GNPNAT1: variants seen among roughly 807,000 people sequenced by gnomAD.
GNPNAT1 encodes the protein glucosamine-phosphate N-acetyltransferase 1.
A neutral mutation model predicts 19.8 loss-of-function variants in GNPNAT1; 11 were observed. The ratio of observed to expected loss-of-function variants is 0.56; its 90% CI spans 0.35 to 0.92. The LOEUF (loss-of-function observed/expected upper bound fraction) is 0.92, where lower values mean the gene tolerates loss of function less well. Ranked by LOEUF, GNPNAT1 falls within the 40% of genes least tolerant of loss-of-function variation. The pLI is 0.01. For synonymous variants in GNPNAT1, 71 were observed against 72.3 expected (o/e 0.98, Z 0.09); for missense variants, 157 against 211.0 (o/e 0.74, Z 1.59).
At chr14:52,789,919 T>C (rs774182383) in intron 1 of GNPNAT1, among the ~76,000 whole-genome samples, 1 of 137,284 alleles carries the variant, frequency 7.3e-6, no homozygotes, top group Non-Finnish European at 1.5e-5. Flanking sequence ...CCTAGCCCAA[T>C]AATGCCTAGT....
intron 3 of GNPNAT1, among the ~76,000 whole-genome samples, chr14:52,782,661 A>G (rs1882920247): frequency 6.8e-6 from 1 of 148,062 alleles, no homozygotes; most frequent in Admixed American, 6.8e-5. Flanking sequence ...CTCATTCCAG[A>G]TAGAGATCTA....
intron 5 of GNPNAT1, among the ~76,000 whole-genome samples, chr14:52,780,061 T>C (rs1017864363): frequency 6.6e-6 from 1 of 151,816 alleles, no homozygotes; most frequent in Non-Finnish European, 1.5e-5. Flanking sequence ...CCCAGCTAAT[T>C]GGGGGGCTGA....
rs957159366 is a variant in GNPNAT1, at chr14:52,775,863, A to C, written c.*2448T>G. On this transcript the variant is annotated 3_prime_UTR_variant, in exon 6 of 6. Coordinates refer to ENST00000216410, the MANE Select transcript of GNPNAT1 (RefSeq NM_198066.4). ...ACACCACTGGACTCCAGCCTGGGTGATGGAGTGGGACAGTGTCTCTTTAAA... is the reference window on the plus strand; with the variant it reads ...ACACCACTGGACTCCAGCCTGGGTGCTGGAGTGGGACAGTGTCTCTTTAAA... 1.3e-5 allele frequency: 2 copies of C among 152,208 alleles called. No homozygotes were observed. Among genetic ancestry groups the C allele is most frequent in the African/African-American group, 4.8e-5 (2 of 41,394 alleles). 9.4% of individuals were successfully genotyped at this position (152,208 alleles called of 1,614,324 possible).
Position 52,779,417 on chromosome 14 carries a change from T to TC in GNPNAT1, c.408-960_408-959insG, listed in dbSNP as rs1882824416. Among the ~76,000 whole-genome samples, 11 of 152,096 alleles carry TC rather than the reference T, an allele frequency of 7.2e-5. No homozygotes were observed. In the South Asian group the frequency reaches 2.3e-3, roughly 32 times the overall value. On this transcript the variant is annotated intron_variant, in intron 5 of 5. Coordinates refer to ENST00000216410, the MANE Select transcript of GNPNAT1 (RefSeq NM_198066.4). ...TTGAACAGACTAAAAAATCCTATTT[T>TC]TAAAAAAAACAAAAGACCTTGACTG...
Position 52,784,662 on chromosome 14 carries a change from G to A in GNPNAT1, c.-12C>T, listed in dbSNP as rs1451794037. On this transcript the variant is annotated splice_region_variant and 5_prime_UTR_variant, in exon 2 of 6. Coordinates refer to ENST00000216410, the MANE Select transcript of GNPNAT1 (RefSeq NM_198066.4). ...TCATCAGGTTTCATTTTTCTAGTAA[G>A]GTCTAAAATAAAAATTTGAATATTA... is the stretch of plus-strand genomic sequence containing the variant. 4 of 1,423,466 alleles carry A rather than the reference G, an allele frequency of 2.8e-6. No homozygotes were observed. In the Admixed American group the frequency reaches 7.2e-5, roughly 26 times the overall value. 88.2% of individuals were successfully genotyped at this position (1,423,466 alleles called of 1,614,324 possible).
At chr14:52,784,724 T>G (rs1882972330) in intron 1 of GNPNAT1, 60 bp from the exon 2 acceptor site, 1 of 706,562 alleles carries the variant, frequency 1.4e-6, no homozygotes, top group South Asian at 2.6e-5. Flanking sequence ...TTATGATTGT[T>G]GAGAAAGTTA....
chr14:52,783,298 G>T, intron 3 of GNPNAT1, 125 bp downstream of exon 3: 1 of 621,006 alleles, frequency 1.6e-6, no homozygotes, highest in Non-Finnish European at 2.8e-6. Context: ...GTATAAAACA[G>T]CTAATTTGTT....
chr14:52,789,954 C>T (rs1460547625), intron 1 of GNPNAT1, among the ~76,000 whole-genome samples: 1 of 140,292 alleles, frequency 7.1e-6, no homozygotes, highest in East Asian at 2.0e-4. Context: ...TAAGACTTAC[C>T]TGTAGGTCAC....
chr14:52,784,992 C>A (rs905322236), intron 1 of GNPNAT1, among the ~76,000 whole-genome samples: 2 of 146,542 alleles, frequency 1.4e-5, no homozygotes, highest in South Asian at 2.2e-4. Flanking sequence ...GAGGCGTGAT[C>A]CCGGCTCACT....
At position 52,791,480 on chromosome 14, in the gene GNPNAT1, C is replaced by T. The variant is rs1008718771; in HGVS notation, c.-67G>A. 6.6e-6 allele frequency: 1 copy of T among 152,470 alleles called. No homozygotes were observed. Among genetic ancestry groups the T allele is most frequent in the South Asian group, 2.1e-4 (1 of 4,838 alleles). The allele number at this position is 152,470 out of a possible 1,614,324, so 9.4% of individuals were successfully genotyped here. ...TAGCCAGGCGCGTCGGACTCTCCCC[C>T]ACCAGTGTGCACAGCACCGGATCCG... is the stretch of plus-strand genomic sequence containing the variant. On this transcript the variant is annotated 5_prime_UTR_variant, in exon 1 of 6. Transcript: ENST00000216410. The surrounding 1 kb of genome is among the most constrained non-coding windows in gnomAD (Gnocchi z 4.1).
rs1882759829 is a variant in GNPNAT1, at chr14:52,777,365, T to G, written c.*946A>C. ...ATTAAATAAAATCAAAATAGGATAA[T>G]GACCAGAATAGTGCCATTATAATCA... On this transcript the variant is annotated 3_prime_UTR_variant, in exon 6 of 6. Transcript: ENST00000216410. 1 of 152,406 alleles carries G rather than the reference T, an allele frequency of 6.6e-6. No individual in the cohort carries two copies. Among genetic ancestry groups the G allele is most frequent in the Non-Finnish European group, 1.5e-5 (1 of 68,036 alleles). The allele number at this position is 152,406 out of a possible 1,614,324, so 9.4% of individuals were successfully genotyped here.
chr14:52,778,485 AG>A, intron 5 of GNPNAT1, 27 bp from the exon 6 acceptor site: 2 of 1,567,278 alleles, frequency 1.3e-6, no homozygotes, highest in Non-Finnish European at 1.7e-6. Context: ...GGGTAGGGTG[AG>A]GAGATAGCAT....
rs775654192 is a variant in GNPNAT1 at position 52,780,669 on chromosome 14, G to A, written c.407+10C>T. The A allele has an allele frequency of 2.5e-6, 4 of 1,571,422 alleles. No homozygotes were observed. In the African/African-American group the frequency reaches 5.4e-5, roughly 21 times the overall value. On this transcript the variant is annotated intron_variant, in intron 5 of 5. Coordinates refer to ENST00000216410, the MANE Select transcript of GNPNAT1 (RefSeq NM_198066.4). ...ATTTATCCAGGGTTACCTTGTTTCT[G>A]CCTACTTACAATTTGCCAAGCTGCT...
At chr14:52,784,362 T>C in intron 2 of GNPNAT1, 135 bp downstream of exon 2, 1 of 546,344 alleles carries the variant, frequency 1.8e-6, no homozygotes, top group Non-Finnish European at 3.0e-6. Flanking sequence ...GTATTGAGTG[T>C]CCATCACTTT....
intron 1 of GNPNAT1, among the ~76,000 whole-genome samples, chr14:52,790,909 A>G (rs1390461025): frequency 2.0e-5 from 3 of 152,200 alleles, no homozygotes; most frequent in African/African-American, 4.8e-5. Flanking sequence ...AGCCTAGGAA[A>G]AAGAGACAAA....
At position 52,776,519 on chromosome 14, in the gene GNPNAT1, G is replaced by A. The variant is rs1882726476; in HGVS notation, c.*1792C>T. 6.6e-6 allele frequency: 1 copy of A among 152,088 alleles called. No individual in the cohort carries two copies. Among genetic ancestry groups the A allele is most frequent in the Non-Finnish European group, 1.5e-5 (1 of 68,012 alleles). The allele number at this position is 152,088 out of a possible 1,614,324, so 9.4% of individuals were successfully genotyped here. On this transcript the variant is annotated 3_prime_UTR_variant, in exon 6 of 6. Coordinates refer to ENST00000216410, the MANE Select transcript of GNPNAT1 (RefSeq NM_198066.4). ...CCTCAAATTGTTCAGTGGTAAGAAA[G>A]GTAATAAAGCATTTAGTTGTGCCTT...
chr14:52,786,513 TAAATTA>T, intron 1 of GNPNAT1, among the ~76,000 whole-genome samples: 1 of 152,078 alleles, frequency 6.6e-6, no homozygotes, highest in African/African-American at 2.4e-5. Flanking sequence ...TCAAAAAAAT[TAAATTA>T]AAATTAAACT....
At position 52,778,352 on chromosome 14, in the gene GNPNAT1, C is replaced by G. The variant is rs911639212; in HGVS notation, c.514G>C (p.Val172Leu). ...VGFYKKFGYTVSEENYMCRRF... is the reference protein window; with the variant it reads ...VGFYKKFGYTLSEENYMCRRF... Reference sequence around the variant, plus strand: ...CGACACATGTAGTTTTCTTCAGATACAGTATATCCAAACTTTTTATAGAAA... The same window carrying G: ...CGACACATGTAGTTTTCTTCAGATAGAGTATATCCAAACTTTTTATAGAAA... The change falls in exon 6 of 6, where the codon GTA becomes CTA. Residue 172 changes from valine to leucine, a missense_variant. By Grantham distance (32) the Val-to-Leu change is conservative. Coordinates refer to ENST00000216410, the MANE Select transcript of GNPNAT1 (RefSeq NM_198066.4). 1 of 1,602,482 alleles carries G rather than the reference C, an allele frequency of 6.2e-7. No individual in the cohort carries two copies. Among genetic ancestry groups the G allele is most frequent in the African/African-American group, 1.3e-5 (1 of 74,132 alleles).
At chr14:52,778,746 A>C (rs906550765) in intron 5 of GNPNAT1, among the ~76,000 whole-genome samples, 8 of 152,166 alleles carry the variant, frequency 5.3e-5, no homozygotes, top group African/African-American at 1.7e-4. Flanking sequence ...GGCTAGGTGC[A>C]GTGACTCATA....
Sources: allele counts gnomAD v4.1 joint callset (sites outside exome capture counted in the v4.1 genomes callset), GRCh38; gene constraint gnomAD v4.1.1; non-coding constraint Gnocchi (gnomAD v3.1); transcripts MANE v1.5; gene names NCBI Gene and HGNC (gene_info 2026-07-23, HGNC 2026-07-21).